Variants in TBCK observed in about 807,000 individuals in gnomAD.
The protein encoded by TBCK is TBC domain-containing protein kinase-like protein.
In TBCK, 99 loss-of-function variants were observed where a neutral mutation model predicts 113.4. The observed-to-expected ratio is 0.87, with a 90% CI of 0.74 to 1.03. TBCK has a LOEUF of 1.03. Among genes scored for constraint, TBCK ranks in the 50% least tolerant of loss-of-function variants. The pLI is 0.00. For synonymous variants in TBCK, 369 were observed against 370.8 expected, an observed-to-expected ratio of 1.00 and a Z score of 0.05; for missense variants, 1,045 against 1,061.3, an observed-to-expected ratio of 0.98 and a Z score of 0.21.
intron 5 of TBCK, among the ~76,000 whole-genome samples, chr4:106,259,630 C>T (rs972592658): frequency 2.6e-5 from 4 of 151,838 alleles, no homozygotes; most frequent in Non-Finnish European, 5.9e-5. Context: ...CACATACACA[C>T]ATATATGCTC....
intron 5 of TBCK, chr4:106,255,058 A>G (rs1450919742): frequency 5.8e-6 from 2 of 342,626 alleles, no homozygotes; most frequent in South Asian, 4.6e-5. Context: ...CTGAATTTTT[A>G]TTGAAAATAG....
intron 3 of TBCK, among the ~76,000 whole-genome samples, chr4:106,272,617 G>A (rs1397537750): frequency 1.3e-5 from 2 of 150,188 alleles, no homozygotes; most frequent in Non-Finnish European, 3.0e-5. Flanking sequence ...TCAGCCTCTC[G>A]AGTGGCTGGG....
At chr4:106,078,161 C>T (rs1738443178) in intron 25 of TBCK, among the ~76,000 whole-genome samples, 1 of 152,122 alleles carries the variant, frequency 6.6e-6, no homozygotes, top group African/African-American at 2.4e-5. Flanking sequence ...ATTCATAGCA[C>T]TAAACTCCTA....
chr4:106,065,815 G>A (rs1736579183), intron 25 of TBCK, among the ~76,000 whole-genome samples: 1 of 152,022 alleles, frequency 6.6e-6, no homozygotes, highest in Admixed American at 6.6e-5. Flanking sequence ...GATTTAGCAA[G>A]ACTAAATTCT....
At chr4:106,115,430 C>CCTG (rs1743371746) in intron 24 of TBCK, among the ~76,000 whole-genome samples, 3 of 152,124 alleles carry the variant, frequency 2.0e-5, no homozygotes, top group Admixed American at 6.5e-5. Flanking sequence ...AAACCATTAA[C>CCTG]CTGCTAACCC....
intron 19 of TBCK, among the ~76,000 whole-genome samples, chr4:106,216,352 G>A (rs1176487404): frequency 7.2e-5 from 11 of 151,810 alleles, no homozygotes; most frequent in Non-Finnish European, 1.2e-4. Context: ...CAGAAGGCAA[G>A]AAATAACTAA....
At chr4:106,277,277 T>C (rs1020995630) in intron 3 of TBCK, among the ~76,000 whole-genome samples, 1 of 152,156 alleles carries the variant, frequency 6.6e-6, no homozygotes, top group Non-Finnish European at 1.5e-5. Context: ...GGTCTAATGG[T>C]GTTTCTATAA....
At chr4:106,243,712 A>C (rs1760438107) in intron 11 of TBCK, among the ~76,000 whole-genome samples, 1 of 152,132 alleles carries the variant, frequency 6.6e-6, no homozygotes, top group Non-Finnish European at 1.5e-5. Context: ...ATTTTGAGAC[A>C]GGGTCTCTCA....
chr4:106,059,229 C>G (rs1431376330), intron 25 of TBCK, among the ~76,000 whole-genome samples: 1 of 151,550 alleles, frequency 6.6e-6, no homozygotes, highest in African/African-American at 2.4e-5. Flanking sequence ...AAACAGTACA[C>G]TTAGAGGGTT....
At chr4:106,197,427 A>ATATATC (rs1177564994) in intron 20 of TBCK, among the ~76,000 whole-genome samples, 1 of 148,394 alleles carries the variant, frequency 6.7e-6, no homozygotes, top group African/African-American at 2.5e-5. Flanking sequence ...ATATATATAT[A>ATATATC]TATATAATAC....
intron 22 of TBCK, among the ~76,000 whole-genome samples, chr4:106,175,535 T>A (rs528461105): frequency 1.3e-5 from 2 of 152,036 alleles, no homozygotes; most frequent in South Asian, 4.2e-4. Flanking sequence ...TTGCCAGCCT[T>A]CCCAGATATG....
At chr4:106,288,162 G>A (rs182050667) in intron 3 of TBCK, among the ~76,000 whole-genome samples, 1 of 151,330 alleles carries the variant, frequency 6.6e-6, no homozygotes, top group Non-Finnish European at 1.5e-5. Flanking sequence ...GGGAGGCCGA[G>A]GCAGGCAGAC....
chr4:106,152,958 G>GT lies in TBCK; in HGVS notation c.2235+18136dup, dbSNP rs541819627. ...AATCTCTGTTTATTTGGATCTTCTC[G>GT]TTTTTTGGTTAGTCTGGCTAAACAT... On this transcript the variant is annotated intron_variant, in intron 23 of 25. Coordinates refer to ENST00000394708, the MANE Select transcript of TBCK (RefSeq NM_001163435.3). 2.6e-3 allele frequency among the ~76,000 whole-genome samples: 395 copies of GT among 151,916 alleles called. 4 individuals are homozygous for GT. Among genetic ancestry groups the GT allele is most frequent in the Non-Finnish European group, 8.3e-4 (56 of 67,856 alleles).
At chr4:106,091,165 A>G (rs879702860) in intron 25 of TBCK, among the ~76,000 whole-genome samples, 4 of 152,242 alleles carry the variant, frequency 2.6e-5, no homozygotes, top group Admixed American at 2.6e-4. Flanking sequence ...TGGTGCTGAC[A>G]TCTATCTCTG....
intron 20 of TBCK, among the ~76,000 whole-genome samples, chr4:106,201,978 C>T (rs191987822): frequency 9.9e-5 from 15 of 152,044 alleles, no homozygotes; most frequent in Non-Finnish European, 1.8e-4. Flanking sequence ...TAAAAATCTG[C>T]ACTTTGCGAC....
At chr4:106,253,231 C>G (rs766574514) in intron 5 of TBCK, among the ~76,000 whole-genome samples, 3 of 152,084 alleles carry the variant, frequency 2.0e-5, no homozygotes, top group Non-Finnish European at 2.9e-5. Context: ...CTTTATAACA[C>G]TGGAATTAGG....
chr4:106,113,892 C>T (rs552010797), intron 24 of TBCK, among the ~76,000 whole-genome samples: 140 of 152,284 alleles, frequency 9.2e-4, no homozygotes, highest in Non-Finnish European at 1.6e-3. Flanking sequence ...TAAACAAACA[C>T]CCCCTTCTCA....
intron 20 of TBCK, among the ~76,000 whole-genome samples, chr4:106,204,256 T>G (rs906493140): frequency 6.6e-6 from 1 of 152,126 alleles, no homozygotes; most frequent in Non-Finnish European, 1.5e-5. Context: ...AAGCTAAAAA[T>G]AGATTATGTA....
At chr4:106,060,398 C>T (rs929789225) in intron 25 of TBCK, among the ~76,000 whole-genome samples, 2 of 151,676 alleles carry the variant, frequency 1.3e-5, no homozygotes, top group African/African-American at 4.8e-5. Flanking sequence ...TCCTAGGGCC[C>T]TTAAGAATTA....
Sources: gnomAD v4.1 joint callset for allele counts (sites outside exome capture counted in the v4.1 genomes callset) on GRCh38, gnomAD v4.1.1 for gene constraint, MANE v1.5 for transcripts, NCBI Gene and HGNC (gene_info 2026-07-23, HGNC 2026-07-21) for gene names.